Variants in GRHL1 observed in about 807,000 individuals in gnomAD.
GRHL1 encodes the protein grainyhead like transcription factor 1.
A neutral mutation model predicts 75.7 loss-of-function variants in GRHL1; 38 were observed. The ratio of observed to expected loss-of-function variants is 0.50; its 90% confidence interval spans 0.39 to 0.66. The LOEUF is 0.66. GRHL1 is among the 30% of genes least tolerant of loss of function. The pLI, the probability that GRHL1 is intolerant of heterozygous loss-of-function variation, is 0.00. For missense variants in GRHL1, 589 were observed against 767.5 expected (o/e 0.77, Z 2.75); for synonymous variants, 266 against 279.4 (o/e 0.95, Z 0.48).
intron 8 of GRHL1, among the ~76,000 whole-genome samples, chr2:9,973,110 T>C (rs1667802573): frequency 3.3e-5 from 5 of 152,212 alleles, no homozygotes; most frequent in Admixed American, 3.3e-4. Flanking sequence ...CCAATTCTTT[T>C]TCTTTTCCCT....
At chr2:9,991,714 T>A (rs1199929117) in intron 10 of GRHL1, among the ~76,000 whole-genome samples, 2 of 152,216 alleles carry the variant, frequency 1.3e-5, no homozygotes, top group African/African-American at 2.4e-5. Context: ...CAATGAAAAC[T>A]AAATACGCTC....
At chr2:9,978,335 G>C (rs1668039608) in intron 8 of GRHL1, among the ~76,000 whole-genome samples, 1 of 152,254 alleles carries the variant, frequency 6.6e-6, no homozygotes, top group Admixed American at 6.5e-5. Context: ...GGATGGTGAT[G>C]AGAAAGGGTG....
chr2:9,982,635 T>C (rs1558308067), intron 8 of GRHL1, among the ~76,000 whole-genome samples: 2 of 152,220 alleles, frequency 1.3e-5, no homozygotes, highest in Non-Finnish European at 2.9e-5. Flanking sequence ...TCGGATTCAG[T>C]GAGTCTGGGG....
chr2:9,953,233 G>A (rs1272168702), intron 1 of GRHL1, among the ~76,000 whole-genome samples: 2 of 152,220 alleles, frequency 1.3e-5, no homozygotes, highest in Non-Finnish European at 2.9e-5. Flanking sequence ...GTGGGTGGGA[G>A]AAGAAGGGAA....
chr2:9,996,200 G>A, intron 13 of GRHL1, 116 bp from the exon 14 acceptor site: 1 of 778,818 alleles, frequency 1.3e-6, no homozygotes, highest in Non-Finnish European at 2.3e-6. Flanking sequence ...TCCTTGATGT[G>A]AATGTGGTTT....
chr2:9,986,046 T>G, intron 8 of GRHL1, 78 bp from the exon 9 acceptor site: 1 of 907,840 alleles, frequency 1.1e-6, no homozygotes, highest in Non-Finnish European at 1.6e-6. Context: ...GTAATTTCAG[T>G]GATGTTAATA....
rs1288973127 is a variant in GRHL1, at chr2:9,992,289, G to T, written c.1461+143G>T. 2 of 680,232 alleles carry T rather than the reference G, an allele frequency of 2.9e-6. No individual in the cohort carries two copies. Among genetic ancestry groups the T allele is most frequent in the Non-Finnish European group, 2.5e-6 (1 of 406,214 alleles). 42.1% of individuals were successfully genotyped at this position (680,232 alleles called of 1,614,324 possible). On this transcript the variant is annotated intron_variant, in intron 11 of 15. Transcript: ENST00000324907. The surrounding 1 kb of genome is among the most constrained non-coding windows in gnomAD (Gnocchi z 4.6). The stretch of plus-strand genomic sequence containing the variant: ...CAGCTCTTTGGAATATTCTGCTGGG[G>T]TGACATGATGCCCGTGCAATAAAAA...
intron 2 of GRHL1, among the ~76,000 whole-genome samples, chr2:9,957,019 T>C (rs1667059019): frequency 6.7e-6 from 1 of 149,170 alleles, no homozygotes; most frequent in African/African-American, 2.5e-5. Flanking sequence ...TTTTTTTTAA[T>C]AGAAGCAGAG....
chr2:9,985,695 T>C (rs899473972), intron 8 of GRHL1, among the ~76,000 whole-genome samples: 3 of 152,262 alleles, frequency 2.0e-5, no homozygotes, highest in Non-Finnish European at 4.4e-5. Context: ...CACAGAGTAC[T>C]ACAGGTTATC....
chr2:9,991,920 CAG>C (rs1161380015), intron 10 of GRHL1, 85 bp from the exon 11 acceptor site: 4 of 1,029,052 alleles, frequency 3.9e-6, no homozygotes, highest in Non-Finnish European at 5.6e-6. Flanking sequence ...GTATCTTACT[CAG>C]AGGCGAGCAC....
chr2:9,965,267 T>C lies in GRHL1; in HGVS notation c.1016-20T>C, dbSNP rs1474455112. 7.1e-7 allele frequency: 1 copy of C among 1,414,830 alleles called. No homozygotes were observed. 87.6% of individuals were successfully genotyped at this position (1,414,830 alleles called of 1,614,324 possible). A position where few individuals can be genotyped will look rare whatever the true frequency, so the allele number is the denominator to read the frequency against. On this transcript the variant is annotated intron_variant, in intron 7 of 15. Transcript: ENST00000324907. Reference sequence around the variant, plus strand: ...CTAAGACTCATGAGTTTTCATTTTCTCTTCCACCGCTTCCTGTAGCTGACT... The same window carrying C: ...CTAAGACTCATGAGTTTTCATTTTCCCTTCCACCGCTTCCTGTAGCTGACT...
chr2:9,978,013 G>GGAAA (rs1280144788), intron 8 of GRHL1, among the ~76,000 whole-genome samples: 6 of 152,274 alleles, frequency 3.9e-5, no homozygotes, highest in South Asian at 4.1e-4. Flanking sequence ...AAGCAAAAGG[G>GGAAA]GAAACCCCTT....
At chr2:9,998,704 A>ACGTATATATG (rs1558320879) in intron 14 of GRHL1, among the ~76,000 whole-genome samples, 1 of 69,760 alleles carries the variant, frequency 1.4e-5, no homozygotes, top group Non-Finnish European at 2.5e-5. Flanking sequence ...ACACATATAT[A>ACGTATATATG]TACATATATA....
At chr2:9,957,106 T>C (rs1667062659) in intron 2 of GRHL1, among the ~76,000 whole-genome samples, 1 of 151,990 alleles carries the variant, frequency 6.6e-6, no homozygotes, top group Non-Finnish European at 1.5e-5. Flanking sequence ...GGTTGACTGA[T>C]TCTCCTGCCT....
intron 8 of GRHL1, among the ~76,000 whole-genome samples, chr2:9,973,219 G>A (rs1052511146): frequency 6.6e-6 from 1 of 152,138 alleles, no homozygotes. Flanking sequence ...GGAGAGGCTG[G>A]TCTCCTCCCA....
At chr2:9,998,872 A>G (rs547280622) in intron 14 of GRHL1, 93 bp from the exon 15 acceptor site, 1 of 219,344 alleles carries the variant, frequency 4.6e-6, no homozygotes, top group South Asian at 5.1e-5. Flanking sequence ...ACGTATATAT[A>G]TGTACACATA....
intron 14 of GRHL1, among the ~76,000 whole-genome samples, chr2:9,998,758 A>ATATATGTACACATATATATACG (rs1553307227): frequency 7.8e-5 from 1 of 12,844 alleles, no homozygotes; most frequent in East Asian, 3.7e-3. Context: ...ATATATACGT[A>ATATATGTACACATATATATACG]TATATATGTA....
rs1230320912 is a variant in GRHL1, at chr2:9,985,758, A to AT, written c.1111-366_1111-365insT. Among the ~76,000 whole-genome samples the AT allele has an allele frequency of 6.6e-5, 10 of 152,340 alleles. No individual in the cohort carries two copies. The South Asian group carries it at 1.7e-3, about 25-fold the overall frequency. On this transcript the variant is annotated intron_variant, in intron 8 of 15. Transcript: ENST00000324907. ...GGTGGATTCCTAGGAAGTTTTTACT[A>AT]AGTTACAGAACAGCTGCAGAGGGAG...
chr2:9,983,178 G>A (rs900750829), intron 8 of GRHL1, among the ~76,000 whole-genome samples: 2 of 149,400 alleles, frequency 1.3e-5, no homozygotes, highest in Non-Finnish European at 3.0e-5. Flanking sequence ...CGTGAGCACC[G>A]GCCCCATCTT....
Sources: gnomAD v4.1 joint callset for allele counts (sites outside exome capture counted in the v4.1 genomes callset) on GRCh38, gnomAD v4.1.1 for gene constraint, Gnocchi (gnomAD v3.1) non-coding constraint, MANE v1.5 for transcripts, NCBI Gene and HGNC (gene_info 2026-07-23, HGNC 2026-07-21) for gene names.